The following RCHY1 variants were observed in gnomAD, a reference collection of about 807,000 sequenced individuals.
The protein encoded by RCHY1 is RING finger and CHY zinc finger domain-containing protein 1.
Under a neutral mutation model 41.6 loss-of-function variants are expected in RCHY1, and 21 were observed. The ratio of observed to expected loss-of-function variants is 0.51; its 90% CI spans 0.36 to 0.73. The LOEUF (loss-of-function observed/expected upper bound fraction) is 0.73, where lower values mean the gene tolerates loss of function less well. RCHY1 is among the 30% of genes least tolerant of loss of function. The pLI, the probability that RCHY1 is intolerant of heterozygous loss-of-function variation, is 0.00. For synonymous variants in RCHY1, 79 were observed against 102.9 expected, an observed-to-expected ratio of 0.77 and a Z score of 1.41; for missense variants, 265 against 325.3, an observed-to-expected ratio of 0.81 and a Z score of 1.43.
intron 3 of RCHY1, among the ~76,000 whole-genome samples, chr4:75,496,041 A>G (rs1289247802): frequency 6.6e-6 from 1 of 152,136 alleles, no homozygotes. Flanking sequence ...TTACTCAGCT[A>G]TTGTGAATTT....
intron 1 of RCHY1, chr4:75,513,896 CG>C: frequency 4.0e-6 from 1 of 252,850 alleles, no homozygotes; most frequent in Non-Finnish European, 7.6e-6. Flanking sequence ...AGTACAGGCC[CG>C]GGGCTGCCTC....
chr4:75,513,181 T>C (rs888130297), intron 1 of RCHY1, among the ~76,000 whole-genome samples: 6 of 152,156 alleles, frequency 3.9e-5, no homozygotes, highest in African/African-American at 1.2e-4. Flanking sequence ...CCATGACCTA[T>C]AGAAAAGAGT....
At chr4:75,502,331 G>A (rs531886618) in intron 3 of RCHY1, among the ~76,000 whole-genome samples, 5 of 152,182 alleles carry the variant, frequency 3.3e-5, no homozygotes, top group Non-Finnish European at 7.4e-5. Context: ...ACGAGGTCAG[G>A]AGATCGAGAC....
At chr4:75,510,724 A>T (rs1420489313) in intron 1 of RCHY1, among the ~76,000 whole-genome samples, 3 of 152,218 alleles carry the variant, frequency 2.0e-5, no homozygotes, top group Non-Finnish European at 2.9e-5. Context: ...ATCTATTGAC[A>T]TATACCACAT....
At chr4:75,507,175 A>C (rs1265559363) in intron 3 of RCHY1, among the ~76,000 whole-genome samples, 1 of 151,984 alleles carries the variant, frequency 6.6e-6, no homozygotes, top group Non-Finnish European at 1.5e-5. Context: ...TCCAAAGATA[A>C]TGCTGGAGAC....
chr4:75,514,075 G>A, intron 1 of RCHY1, 122 bp downstream of exon 1: 1 of 1,458,306 alleles, frequency 6.9e-7, no homozygotes, highest in South Asian at 1.4e-5. Context: ...AGTTCCAGGT[G>A]GAAAAGGTAT....
intron 8 of RCHY1, among the ~76,000 whole-genome samples, chr4:75,485,242 C>T (rs772812767): frequency 6.6e-6 from 1 of 152,090 alleles, no homozygotes; most frequent in Admixed American, 6.6e-5. Flanking sequence ...TAAAAAAGAA[C>T]GCTGTCTTTC....
intron 3 of RCHY1, among the ~76,000 whole-genome samples, chr4:75,502,043 G>C (rs573674155): frequency 2.6e-5 from 4 of 152,058 alleles, no homozygotes; most frequent in Admixed American, 2.0e-4. Context: ...TTGTACAACA[G>C]CCTGGGCAAC....
intron 3 of RCHY1, among the ~76,000 whole-genome samples, chr4:75,508,084 T>C: frequency 6.6e-6 from 1 of 151,498 alleles, no homozygotes; most frequent in East Asian, 1.9e-4. Context: ...AAACAAACTA[T>C]ATTTTAAAAA....
rs1199013259 is a variant in RCHY1 at position 75,487,742 on chromosome 4, CAT to C, written c.657+2837_657+2838del. 5.9e-4 allele frequency among the ~76,000 whole-genome samples: 26 copies of C among 44,166 alleles called. 1 individual carries two copies. Among genetic ancestry groups the C allele is most frequent in the East Asian group, 5.1e-3 (9 of 1,762 alleles). The allele number at this position is 44,166 out of a possible 152,430, so 29.0% of individuals were successfully genotyped here. A position where few individuals can be genotyped will look rare whatever the true frequency, so the allele number is the denominator to read the frequency against. On this transcript the variant is annotated intron_variant, in intron 8 of 8. Transcript: ENST00000324439. ...CATATATATATTCATAATATATATT[CAT>C]ATATATATTCATAATATATATATTC...
intron 3 of RCHY1, among the ~76,000 whole-genome samples, chr4:75,506,934 G>T (rs1724375172): frequency 6.6e-6 from 1 of 152,050 alleles, no homozygotes; most frequent in Non-Finnish European, 1.5e-5. Context: ...ATAATCCTGA[G>T]AAATGATATT....
rs1176916392 is a variant in RCHY1 at position 75,511,904 on chromosome 4, A to C, written c.90+2293T>G. 2.0e-5 allele frequency among the ~76,000 whole-genome samples: 3 copies of C among 152,022 alleles called. No individual in the cohort carries two copies. In the East Asian group the frequency reaches 5.8e-4, roughly 29 times the overall value. ...GGACTTCAGGAATCCCCAGGGTTCC[A>C]TTCACCACACTTTGAAAACCAATGC... On this transcript the variant is annotated intron_variant, in intron 1 of 8. Coordinates refer to ENST00000324439, the MANE Select transcript of RCHY1 (RefSeq NM_015436.4).
intron 3 of RCHY1, among the ~76,000 whole-genome samples, chr4:75,508,274 A>G (rs987150161): frequency 2.0e-5 from 3 of 152,154 alleles, no homozygotes; most frequent in Admixed American, 2.0e-4. Flanking sequence ...GACACACTTT[A>G]CATACATGCT....
At chr4:75,490,550 C>T (rs1355672406) in intron 8 of RCHY1, 31 bp downstream of exon 8, 2 of 1,584,164 alleles carry the variant, frequency 1.3e-6, no homozygotes, top group Non-Finnish European at 1.7e-6. Flanking sequence ...AACAAGGAGT[C>T]TACAAAGTTT....
rs1415491156 is a variant in RCHY1, at chr4:75,491,570, T to A, written c.536+41A>T. ...TCCCCACACCACACACACAAAAAAG[T>A]CAAACATCTTACAATTATTTTTAAA... On this transcript the variant is annotated intron_variant, in intron 7 of 8. Transcript: ENST00000324439. 13 of 1,575,332 alleles carry A rather than the reference T, an allele frequency of 8.3e-6. 1 individual carries two copies. The highest frequency in any genetic ancestry group is 5.2e-6 in the Non-Finnish European group (6 of 1,147,668).
chr4:75,493,900 A>G (rs1722957029), intron 4 of RCHY1, among the ~76,000 whole-genome samples: 1 of 151,838 alleles, frequency 6.6e-6, no homozygotes, highest in South Asian at 2.1e-4. Context: ...CTTACACTAC[A>G]GAGAAGAAAA....
chr4:75,497,843 T>C (rs1196151630), intron 3 of RCHY1, among the ~76,000 whole-genome samples: 1 of 151,436 alleles, frequency 6.6e-6, no homozygotes, highest in Admixed American at 6.6e-5. Context: ...TACAATGGAA[T>C]GTCATAATCT....
intron 4 of RCHY1, 144 bp downstream of exon 4, chr4:75,493,957 C>A: frequency 1.8e-6 from 1 of 560,220 alleles, no homozygotes; most frequent in Non-Finnish European, 3.1e-6. Flanking sequence ...AAAATATCTA[C>A]TTGTTAATAC....
intron 7 of RCHY1, 134 bp downstream of exon 7, chr4:75,491,477 C>A (rs1156854480): frequency 2.8e-6 from 2 of 704,872 alleles, no homozygotes; most frequent in Admixed American, 6.1e-5. Flanking sequence ...CAATATTCAT[C>A]TACCCTACCC....
Sources: allele counts gnomAD v4.1 joint callset (sites outside exome capture counted in the v4.1 genomes callset), GRCh38; gene constraint gnomAD v4.1.1; transcripts MANE v1.5; gene names NCBI Gene and HGNC (gene_info 2026-07-23, HGNC 2026-07-21).